CACNA2D1: variants seen among roughly 807,000 people sequenced by gnomAD.
CACNA2D1 encodes calcium voltage-gated channel auxiliary subunit alpha2delta 1, also known as voltage-dependent calcium channel subunit alpha-2/delta-1.
In CACNA2D1, 53 loss-of-function variants were observed where a neutral mutation model predicts 171.5. That is an observed-to-expected ratio of 0.31 (90% CI 0.25 to 0.39). The LOEUF is 0.39. CACNA2D1 is among the 10% of genes least tolerant of loss of function. CACNA2D1 has a pLI of 1.00. For synonymous variants in CACNA2D1, 442 were observed against 443.1 expected (o/e 1.00, Z 0.03); for missense variants, 903 against 1,299.8 (o/e 0.69, Z 4.69).
At chr7:82,282,761 T>C (rs1810285926) in intron 3 of CACNA2D1, among the ~76,000 whole-genome samples, 1 of 151,948 alleles carries the variant, frequency 6.6e-6, no homozygotes, top group African/African-American at 2.4e-5. Flanking sequence ...TAAAATTGAT[T>C]CCTAAGTAAG....
chr7:82,208,577 T>C (rs78862182), intron 3 of CACNA2D1, among the ~76,000 whole-genome samples: 2,462 of 152,280 alleles, frequency 0.016, 69 homozygotes, highest in African/African-American at 0.051. Flanking sequence ...CTACTATTCA[T>C]ATAATTCCCC....
chr7:82,220,403 T>C (rs146555498), intron 3 of CACNA2D1, among the ~76,000 whole-genome samples: 5,039 of 152,250 alleles, frequency 0.033, 122 homozygotes, highest in Non-Finnish European at 0.044. Context: ...ATCTTTATGT[T>C]ATAGATGACA....
chr7:82,069,091 T>G (rs1436743363), intron 7 of CACNA2D1, among the ~76,000 whole-genome samples: 1 of 152,170 alleles, frequency 6.6e-6, no homozygotes, highest in Non-Finnish European at 1.5e-5. Context: ...ATGGTAAAAT[T>G]GAACAACATA....
At chr7:82,305,608 C>T (rs2129429126) in intron 3 of CACNA2D1, among the ~76,000 whole-genome samples, 1 of 152,274 alleles carries the variant, frequency 6.6e-6, no homozygotes, top group Admixed American at 6.5e-5. Flanking sequence ...TTGCCATGCT[C>T]CAAGTCCCTA....
intron 6 of CACNA2D1, 123 bp downstream of exon 6, chr7:82,116,921 C>T: frequency 9.4e-7 from 1 of 1,066,864 alleles, no homozygotes; most frequent in South Asian, 1.3e-5. Flanking sequence ...GAGTTTACCA[C>T]AGACTCTTAT....
intron 5 of CACNA2D1, among the ~76,000 whole-genome samples, chr7:82,130,945 C>T (rs755812241): frequency 2.0e-4 from 31 of 151,288 alleles, no homozygotes; most frequent in Non-Finnish European, 3.7e-4. Context: ...TACAGGCGCC[C>T]GCCATCATGC....
chr7:82,129,600 T>C (rs1563090284), intron 5 of CACNA2D1, among the ~76,000 whole-genome samples: 1 of 152,218 alleles, frequency 6.6e-6, no homozygotes. Flanking sequence ...TTATAGATCA[T>C]TGACTCTTTC....
At chr7:82,182,791 A>G (rs891078144) in intron 3 of CACNA2D1, among the ~76,000 whole-genome samples, 3 of 152,096 alleles carry the variant, frequency 2.0e-5, no homozygotes, top group Non-Finnish European at 4.4e-5. Flanking sequence ...TAATCCCAGC[A>G]CTTTGGGAGG....
intron 1 of CACNA2D1, among the ~76,000 whole-genome samples, chr7:82,361,925 C>T (rs947430338): frequency 2.6e-5 from 4 of 152,076 alleles, no homozygotes; most frequent in African/African-American, 9.7e-5. Context: ...CACTTTAAAA[C>T]ACAATAGTTG....
At chr7:82,279,716 T>C (rs1339546139) in intron 3 of CACNA2D1, among the ~76,000 whole-genome samples, 2 of 152,228 alleles carry the variant, frequency 1.3e-5, no homozygotes, top group East Asian at 1.9e-4. Context: ...CCTTTAATAG[T>C]TCCTTTTAAT....
At chr7:82,385,923 C>T (rs1824308531) in intron 1 of CACNA2D1, among the ~76,000 whole-genome samples, 1 of 152,076 alleles carries the variant, frequency 6.6e-6, no homozygotes, top group African/African-American at 2.4e-5. Context: ...CCTCGGCCTC[C>T]CAAATTGATA....
intron 3 of CACNA2D1, among the ~76,000 whole-genome samples, chr7:82,237,650 G>A (rs1323410663): frequency 6.6e-6 from 1 of 151,900 alleles, no homozygotes; most frequent in African/African-American, 2.4e-5. Flanking sequence ...TTAAGTATAA[G>A]CATTTGCAAA....
intron 6 of CACNA2D1, among the ~76,000 whole-genome samples, chr7:82,100,302 T>C (rs1050931588): frequency 6.6e-6 from 1 of 152,180 alleles, no homozygotes; most frequent in Non-Finnish European, 1.5e-5. Flanking sequence ...TGTGATCTTT[T>C]CTACTTCTTG....
At chr7:82,405,540 AATC>A (rs1250063021) in intron 1 of CACNA2D1, among the ~76,000 whole-genome samples, 2 of 152,194 alleles carry the variant, frequency 1.3e-5, no homozygotes, top group Admixed American at 1.3e-4. Context: ...AAGTCTAGGA[AATC>A]ATACTGTGGC....
chr7:82,361,501 T>G (rs899918223), intron 1 of CACNA2D1, among the ~76,000 whole-genome samples: 70 of 152,296 alleles, frequency 4.6e-4, no homozygotes, highest in African/African-American at 1.7e-3. Context: ...ATTTTTTAAT[T>G]TGAATTGTTA....
At chr7:82,084,968 T>C (rs1810273258) in intron 6 of CACNA2D1, 68 bp from the exon 7 acceptor site, 1 of 1,205,920 alleles carries the variant, frequency 8.3e-7, no homozygotes, top group Non-Finnish European at 1.2e-6. Context: ...TCTTCATTTA[T>C]TTACAAAATA....
At chr7:82,087,184 T>C (rs1810575456) in intron 6 of CACNA2D1, among the ~76,000 whole-genome samples, 1 of 152,134 alleles carries the variant, frequency 6.6e-6, no homozygotes, top group Non-Finnish European at 1.5e-5. Context: ...TAGTAAGATG[T>C]AAGAATACAG....
chr7:82,176,121 T>C (rs527464951), intron 3 of CACNA2D1, among the ~76,000 whole-genome samples: 4 of 152,164 alleles, frequency 2.6e-5, no homozygotes, highest in African/African-American at 9.6e-5. Context: ...GAGAAGATCA[T>C]TGTGTTCTGC....
In CACNA2D1 at chr7:82,225,963, CAAAAT is replaced by C. The variant is rs1335009887; in HGVS notation, c.295-55359_295-55355del. Reference sequence around the variant, plus strand: ...GGATAATAGTCATCTATTCATTACTCAAAATAAAACCAATTCCAAAATGTAAAGTC... The same window carrying C: ...GGATAATAGTCATCTATTCATTACTCAAAACCAATTCCAAAATGTAAAGTC... On this transcript the variant is annotated intron_variant, in intron 3 of 38. Transcript: ENST00000356860. Among the ~76,000 whole-genome samples the C allele has an allele frequency of 1.1e-4, 17 of 152,194 alleles. No homozygotes were observed. The East Asian group carries it at 2.7e-3, about 24-fold the overall frequency.
Sources: allele counts gnomAD v4.1 joint callset (sites outside exome capture counted in the v4.1 genomes callset), GRCh38; gene constraint gnomAD v4.1.1; transcripts MANE v1.5; gene names NCBI Gene and HGNC (gene_info 2026-07-23, HGNC 2026-07-21).